MAP1B: variants seen among roughly 807,000 people sequenced by gnomAD.
The protein encoded by MAP1B is microtubule associated protein 1B, also known as microtubule-associated protein 1B.
In MAP1B, 12 loss-of-function variants were observed where a neutral mutation model predicts 176.1. The observed-to-expected ratio is 0.07, with a 90% confidence interval of 0.04 to 0.11. The LOEUF is 0.11. Ranked by LOEUF, MAP1B falls within the 10% of genes least tolerant of loss-of-function variation. The pLI is 1.00. For synonymous variants in MAP1B, 1,044 were observed against 1,135.0 expected (o/e 0.92, Z 1.61); for missense variants, 2,523 against 2,990.5 (o/e 0.84, Z 3.65).
intron 5 of MAP1B, among the ~76,000 whole-genome samples, chr5:72,201,817 A>C (rs1747339027): frequency 6.6e-6 from 1 of 152,246 alleles, no homozygotes; most frequent in African/African-American, 2.4e-5. Flanking sequence ...CTCAGTTCTC[A>C]GCACATTTGG....
intron 2 of MAP1B, among the ~76,000 whole-genome samples, chr5:72,168,515 A>G (rs534875180): frequency 1.2e-4 from 18 of 152,318 alleles, no homozygotes; most frequent in African/African-American, 4.3e-4. Flanking sequence ...AAAATACCCA[A>G]TGGAGAATAA....
rs1580034864 is a variant in MAP1B, at chr5:72,205,330, A to G, written c.*91A>G. ...CCTTTTCTAAAAAGTCAATTCATCT[A>G]GTTAAGTCGCTGAACAATTACCTGC... On this transcript the variant is annotated 3_prime_UTR_variant, in exon 7 of 7. Transcript: ENST00000296755. 7.5e-6 allele frequency: 10 copies of G among 1,332,820 alleles called. 1 individual carries two copies. The South Asian group carries it at 1.4e-4, about 18-fold the overall frequency. 82.6% of individuals were successfully genotyped at this position (1,332,820 alleles called of 1,614,324 possible). A position where few individuals can be genotyped will look rare whatever the true frequency, so the allele number is the denominator to read the frequency against.
chr5:72,187,772 C>T (rs988885002), intron 4 of MAP1B, among the ~76,000 whole-genome samples: 4 of 152,208 alleles, frequency 2.6e-5, no homozygotes, highest in Non-Finnish European at 5.9e-5. Flanking sequence ...CACTGCCCAA[C>T]TTCATCTGAG....
intron 2 of MAP1B, among the ~76,000 whole-genome samples, chr5:72,152,731 GC>G (rs1228872688): frequency 6.6e-6 from 1 of 152,164 alleles, no homozygotes; most frequent in Non-Finnish European, 1.5e-5. Context: ...ACCGTGCCTG[GC>G]CCCATGGTAT....
rs774384563 is a variant in MAP1B, at chr5:72,198,570, T to G, written c.5215T>G (p.Ser1739Ala). The G allele has an allele frequency of 6.2e-7, 1 of 1,613,902 alleles. No individual in the cohort carries two copies. The highest frequency in any genetic ancestry group is 8.5e-7 in the Non-Finnish European group (1 of 1,180,026). ...SPSTSSAHTP[S>A]QIASPLQEDT... ...GTCCACCTCTTCTGCTCATACCCCT[T>G]CTCAGATCGCTTCTCCTCTCCAAGA... The change falls in exon 5 of 7, where the codon TCT becomes GCT. Residue 1739 changes from serine to alanine, a missense_variant. Around this residue, in one of 4 missense-constraint regions of MAP1B, gnomAD observed 1,925 missense variants for 2,126.0 expected, o/e 0.91. Coordinates refer to ENST00000296755, the MANE Select transcript of MAP1B (RefSeq NM_005909.5).
At chr5:72,107,986 C>G (rs952881215) in intron 1 of MAP1B, among the ~76,000 whole-genome samples, 18 of 152,344 alleles carry the variant, frequency 1.2e-4, no homozygotes, top group African/African-American at 4.3e-4. Context: ...CCGCCTCTCC[C>G]GCTAAGTGAA....
chr5:72,150,081 A>T (rs935913652), intron 2 of MAP1B, among the ~76,000 whole-genome samples: 1 of 152,160 alleles, frequency 6.6e-6, no homozygotes, highest in African/African-American at 2.4e-5. Context: ...GTTTTTACCC[A>T]TTTTTTGAAA....
chr5:72,110,100 A>G (rs1394416576), intron 1 of MAP1B, among the ~76,000 whole-genome samples: 1 of 152,212 alleles, frequency 6.6e-6, no homozygotes, highest in Non-Finnish European at 1.5e-5. Flanking sequence ...GAAGTATTAT[A>G]TAGAGAGGAA....
chr5:72,191,137 G>A (rs1747016920), intron 4 of MAP1B, among the ~76,000 whole-genome samples: 1 of 152,230 alleles, frequency 6.6e-6, no homozygotes, highest in Non-Finnish European at 1.5e-5. Flanking sequence ...AACTGGCCAA[G>A]TTTGGCACAC....
chr5:72,179,225 G>A (rs1746716104), intron 2 of MAP1B, among the ~76,000 whole-genome samples: 3 of 152,168 alleles, frequency 2.0e-5, no homozygotes, highest in African/African-American at 4.8e-5. Flanking sequence ...CTTATGAAGC[G>A]ATAAGTGACA....
At position 72,207,225 on chromosome 5, in the gene MAP1B, G is replaced by C. The variant is rs1747472177; in HGVS notation, c.*1986G>C. The stretch of plus-strand genomic sequence containing the variant: ...GTTCAGATGAGGCAAACTTCTCCGT[G>C]ACAACTGTGCTGTGCTCTGTCACAT... On this transcript the variant is annotated 3_prime_UTR_variant, in exon 7 of 7. Transcript: ENST00000296755. 1 of 152,132 alleles carries C rather than the reference G, an allele frequency of 6.6e-6. No individual in the cohort carries two copies. Among genetic ancestry groups the C allele is most frequent in the African/African-American group, 2.4e-5 (1 of 41,416 alleles). The allele number at this position is 152,132 out of a possible 1,614,324, so 9.4% of individuals were successfully genotyped here.
chr5:72,165,918 A>G (rs1282418092), intron 2 of MAP1B, among the ~76,000 whole-genome samples: 3 of 152,192 alleles, frequency 2.0e-5, no homozygotes, highest in African/African-American at 7.2e-5. Context: ...ACTAGAAGGG[A>G]GAAATCCTAG....
chr5:72,111,198 G>A (rs1261852246), intron 1 of MAP1B, among the ~76,000 whole-genome samples: 2 of 152,138 alleles, frequency 1.3e-5, no homozygotes, highest in African/African-American at 4.8e-5. Context: ...AATACATAGA[G>A]GACATACATC....
rs536544632 is a variant in MAP1B at position 72,207,013 on chromosome 5, T to C, written c.*1774T>C. On this transcript the variant is annotated 3_prime_UTR_variant, in exon 7 of 7. Coordinates refer to ENST00000296755, the MANE Select transcript of MAP1B (RefSeq NM_005909.5). ...ACCCTAGCACAAATTTGCTTTGGGA[T>C]TTTCTTTTCTGGAAAAAAAAAATAA... 2 of 152,086 alleles carry C rather than the reference T, an allele frequency of 1.3e-5. No homozygotes were observed. The highest frequency in any genetic ancestry group is 2.9e-5 in the Non-Finnish European group (2 of 68,026). 9.4% of individuals were successfully genotyped at this position (152,086 alleles called of 1,614,324 possible). A position where few individuals can be genotyped will look rare whatever the true frequency, so the allele number is the denominator to read the frequency against.
rs370346422 is a variant in MAP1B at position 72,199,844 on chromosome 5, C to G, written c.6489C>G (p.Pro2163=). 7.4e-6 allele frequency: 12 copies of G among 1,614,084 alleles called. No individual in the cohort carries two copies. Among genetic ancestry groups the G allele is most frequent in the Non-Finnish European group, 1.0e-5 (12 of 1,180,036 alleles). ...SAPSQTDSDV[P]PETEECPSIT... Reference sequence around the variant, plus strand: ...CATCCCAGACCGACTCTGATGTTCCCCCGGAGACTGAAGAGTGCCCCTCCA... The same window carrying G: ...CATCCCAGACCGACTCTGATGTTCCGCCGGAGACTGAAGAGTGCCCCTCCA... Residue 2163 remains proline (P), a synonymous_variant, in exon 5 of 7, where the codon CCC becomes CCG. Coordinates refer to ENST00000296755, the MANE Select transcript of MAP1B (RefSeq NM_005909.5). The surrounding 1 kb of genome is among the most constrained non-coding windows in gnomAD (Gnocchi z 4.2).
At chr5:72,119,993 G>A (rs931883910) in intron 2 of MAP1B, among the ~76,000 whole-genome samples, 8 of 152,052 alleles carry the variant, frequency 5.3e-5, no homozygotes, top group Non-Finnish European at 1.0e-4. Context: ...ATTTTCCGTT[G>A]CCATTTGCTT....
At chr5:72,122,763 A>G (rs1327529029) in intron 2 of MAP1B, among the ~76,000 whole-genome samples, 4 of 151,672 alleles carry the variant, frequency 2.6e-5, no homozygotes, top group Non-Finnish European at 5.9e-5. Flanking sequence ...GCAGGAAGGT[A>G]GCAGAAAATG....
chr5:72,109,019 A>C (rs539667866), intron 1 of MAP1B, among the ~76,000 whole-genome samples: 1 of 152,342 alleles, frequency 6.6e-6, no homozygotes, highest in East Asian at 1.9e-4. Context: ...CGAGGCGGAC[A>C]AAGGGCGTTC....
chr5:72,116,366 G>A (rs1425236143), intron 2 of MAP1B: 8 of 344,120 alleles, frequency 2.3e-5, no homozygotes, highest in Admixed American at 1.4e-4. Flanking sequence ...ATCTTTCTTC[G>A]TGTGGGTAAA....
Sources: allele counts gnomAD v4.1 joint callset (sites outside exome capture counted in the v4.1 genomes callset), GRCh38; gene constraint gnomAD v4.1.1; regional missense constraint gnomAD v4.1.1; non-coding constraint Gnocchi (gnomAD v3.1); transcripts MANE v1.5; gene names NCBI Gene and HGNC (gene_info 2026-07-23, HGNC 2026-07-21).